Variants in CCBE1 observed in about 807,000 individuals in gnomAD.
The protein encoded by CCBE1 is collagen and calcium-binding EGF domain-containing protein 1.
Under a neutral mutation model 50.0 loss-of-function variants are expected in CCBE1, and 37 were observed. The observed-to-expected ratio is 0.74, with a 90% CI of 0.57 to 0.97. CCBE1 has a LOEUF of 0.97. Among genes scored for constraint, CCBE1 ranks in the 50% least tolerant of loss-of-function variants. The pLI is 0.00. For missense variants in CCBE1, 538 were observed against 523.8 expected (o/e 1.03, Z -0.26); for synonymous variants, 234 against 203.7 (o/e 1.15, Z -1.27).
At chr18:59,443,171 T>C (rs149338856) in intron 7 of CCBE1, among the ~76,000 whole-genome samples, 14 of 152,318 alleles carry the variant, frequency 9.2e-5, no homozygotes, top group African/African-American at 3.4e-4. Flanking sequence ...AGGCATCATC[T>C]ATCTTGACCC....
At chr18:59,650,923 G>A (rs2054118849) in intron 2 of CCBE1, among the ~76,000 whole-genome samples, 1 of 151,944 alleles carries the variant, frequency 6.6e-6, no homozygotes, top group Non-Finnish European at 1.5e-5. Context: ...GGAAAATGGA[G>A]AGGAACATCA....
At chr18:59,623,463 G>A (rs76306439) in intron 2 of CCBE1, among the ~76,000 whole-genome samples, 10,182 of 152,168 alleles carry the variant, frequency 0.067, 995 homozygotes, top group African/African-American at 0.22. Flanking sequence ...GCTTCTTTTC[G>A]AACCCACCCA....
At chr18:59,658,132 T>A (rs2054215919) in intron 2 of CCBE1, among the ~76,000 whole-genome samples, 1 of 150,346 alleles carries the variant, frequency 6.7e-6, no homozygotes, top group African/African-American at 2.4e-5. Flanking sequence ...GCAATATGAC[T>A]TGATTCATAT....
In CCBE1 at chr18:59,601,909, A is replaced by G. The variant is rs1486585077; in HGVS notation, c.212+94720T>C. ...CCTCCTTGTCACTATTAGTTTTTCC[A>G]AAAGATATTTTCCTTTCTACTTTGC... On this transcript the variant is annotated intron_variant, in intron 2 of 10. Transcript: ENST00000439986. Among the ~76,000 whole-genome samples the G allele has an allele frequency of 2.0e-5, 3 of 152,190 alleles. No individual in the cohort carries two copies. In the South Asian group the frequency reaches 6.2e-4, roughly 32 times the overall value.
At position 59,439,752 on chromosome 18, in the gene CCBE1, GC is replaced by G; in HGVS notation, c.839del (p.Gly280AlafsTer119). 6.2e-7 allele frequency: 1 copy of G among 1,614,216 alleles called. No homozygotes were observed. The highest frequency in any genetic ancestry group is 8.5e-7 in the Non-Finnish European group (1 of 1,180,034). ...PGMPGPPGQP[G>X]PRGSMGPMGP... ...CCATGGGTCCCATTGAGCCCCGTGGGCCGGGCTGCCCAGGAGGGCCTGGCAT... is the reference window on the plus strand; with the variant it reads ...CCATGGGTCCCATTGAGCCCCGTGGGCGGGCTGCCCAGGAGGGCCTGGCAT... On this transcript the variant is annotated frameshift_variant, in exon 8 of 11. Coordinates refer to ENST00000439986, the MANE Select transcript of CCBE1 (RefSeq NM_133459.4). LOFTEE classifies it high-confidence loss of function.
intron 2 of CCBE1, among the ~76,000 whole-genome samples, chr18:59,598,385 C>T (rs1283160928): frequency 6.6e-6 from 1 of 152,202 alleles, no homozygotes; most frequent in East Asian, 1.9e-4. Flanking sequence ...ATGGTCTGCA[C>T]CAGCCACATG....
chr18:59,475,686 C>CT (rs1413669347), intron 3 of CCBE1, among the ~76,000 whole-genome samples: 1 of 152,116 alleles, frequency 6.6e-6, no homozygotes, highest in Non-Finnish European at 1.5e-5. Flanking sequence ...CTCTATACCT[C>CT]TTTTATTCCC....
intron 2 of CCBE1, among the ~76,000 whole-genome samples, chr18:59,560,466 G>A (rs1001092920): frequency 2.0e-5 from 3 of 152,140 alleles, no homozygotes; most frequent in Non-Finnish European, 4.4e-5. Flanking sequence ...GGAGACAAGG[G>A]GAGGGAGAGC....
intron 3 of CCBE1, among the ~76,000 whole-genome samples, chr18:59,476,755 G>A (rs1324377200): frequency 6.6e-6 from 1 of 152,220 alleles, no homozygotes. Flanking sequence ...CATCTGTGAT[G>A]GTTAGTGCTA....
rs1361292456 is a variant in CCBE1, at chr18:59,606,044, T to A, written c.212+90585A>T. On this transcript the variant is annotated intron_variant, in intron 2 of 10. Transcript: ENST00000439986. ...GCAACCACGATGATCTCAACGCCTATGGTGCTTTGCGATTCAACTCCCATT... is the reference window on the plus strand; with the variant it reads ...GCAACCACGATGATCTCAACGCCTAAGGTGCTTTGCGATTCAACTCCCATT... Among the ~76,000 whole-genome samples, 6 of 152,242 alleles carry A rather than the reference T, an allele frequency of 3.9e-5. No individual in the cohort carries two copies. The East Asian group carries it at 7.7e-4, about 20-fold the overall frequency.
intron 2 of CCBE1, among the ~76,000 whole-genome samples, chr18:59,523,773 G>A (rs914623042): frequency 6.6e-6 from 1 of 152,138 alleles, no homozygotes; most frequent in African/African-American, 2.4e-5. Context: ...CACAAAGGGT[G>A]AGCCAGGATA....
chr18:59,684,029 T>C (rs751261772), intron 2 of CCBE1, among the ~76,000 whole-genome samples: 1 of 152,132 alleles, frequency 6.6e-6, no homozygotes, highest in African/African-American at 2.4e-5. Context: ...GACCTTAATG[T>C]GGTCTCTGCT....
chr18:59,476,833 A>G (rs887392169), intron 3 of CCBE1, among the ~76,000 whole-genome samples: 2 of 152,210 alleles, frequency 1.3e-5, no homozygotes, highest in East Asian at 3.8e-4. Context: ...AGGAGGATAT[A>G]TATTCTCTGA....
At chr18:59,697,516 A>T, upstream of CCBE1, 1 of 845,896 alleles carries the variant, frequency 1.2e-6, no homozygotes, top group Non-Finnish European at 1.8e-6. Context: ...TGGGGGGAAA[A>T]TGAGGCTAGG....
chr18:59,455,652 C>G (rs1440366684), intron 5 of CCBE1, among the ~76,000 whole-genome samples: 1 of 152,246 alleles, frequency 6.6e-6, no homozygotes, highest in African/African-American at 2.4e-5. Context: ...AGAATACAGA[C>G]AGCTCTCTTC....
At chr18:59,444,348 G>A (rs1425511243) in intron 7 of CCBE1, among the ~76,000 whole-genome samples, 8 of 152,014 alleles carry the variant, frequency 5.3e-5, no homozygotes, top group African/African-American at 1.9e-4. Flanking sequence ...CTGTTGCCTA[G>A]GCTGGCCTCG....
chr18:59,438,573 C>G lies in CCBE1; in HGVS notation c.952-427G>C, dbSNP rs139221955. Among the ~76,000 whole-genome samples the G allele has an allele frequency of 3.3e-5, 5 of 152,296 alleles. No individual in the cohort carries two copies. The East Asian group carries it at 9.7e-4, about 29-fold the overall frequency. On this transcript the variant is annotated intron_variant, in intron 9 of 10. Transcript: ENST00000439986. ...AATGGAAACACACAAAAAGCTATCC[C>G]GTAAAGCAACACTGGTTAAAGAGAA...
chr18:59,627,890 T>C (rs7229141), intron 2 of CCBE1, among the ~76,000 whole-genome samples: 55,456 of 152,032 alleles, frequency 0.36, 10,413 homozygotes, highest in East Asian at 0.59. Context: ...TACAGGCATA[T>C]TGAAAACCAT....
intron 2 of CCBE1, among the ~76,000 whole-genome samples, chr18:59,513,152 AC>A (rs1465758414): frequency 6.6e-6 from 1 of 152,164 alleles, no homozygotes; most frequent in African/African-American, 2.4e-5. Context: ...CACTAAAAAT[AC>A]AAAAATTAGC....
Sources: gnomAD v4.1 joint callset for allele counts (sites outside exome capture counted in the v4.1 genomes callset) on GRCh38, gnomAD v4.1.1 for gene constraint, MANE v1.5 for transcripts, NCBI Gene and HGNC (gene_info 2026-07-23, HGNC 2026-07-21) for gene names.